Variants in OR52I2 observed in about 807,000 individuals in gnomAD.
OR52I2 encodes the protein olfactory receptor 52I2.
For missense variants in OR52I2, 350 were observed against 402.4 expected (o/e 0.87, Z 1.11); for synonymous variants, 147 against 151.9 (o/e 0.97, Z 0.24).
chr11:4,587,284 A>C, exon 2 of OR52I2: 1 of 1,613,890 alleles, frequency 6.2e-7, no homozygotes, highest in Non-Finnish European at 8.5e-7. Context: ...AGCCATCTGC[A>C]AGCCTCTACA....
exon 2 of OR52I2, chr11:4,586,949 G>A (rs1391714499): frequency 1.2e-6 from 2 of 1,613,960 alleles, no homozygotes; most frequent in African/African-American, 2.7e-5. Flanking sequence ...CTCCTTGTGG[G>A]TATCCCAGGA....
At chr11:4,592,176 C>T (rs1711578948) in exon 2 of OR52I2, 1 of 152,160 alleles carries the variant, frequency 6.6e-6, no homozygotes, top group African/African-American at 2.4e-5. Context: ...TTTTATTGAA[C>T]ACCTATGTAC....
In OR52I2 at chr11:4,587,280, C is replaced by T. The variant is rs754366532; in HGVS notation, c.390C>T (p.Ile130=). 3 of 1,613,978 alleles carry T rather than the reference C, an allele frequency of 1.9e-6. No homozygotes were observed. In the South Asian group the frequency reaches 3.3e-5, roughly 18 times the overall value. The change falls in exon 2 of 2, where the codon ATC becomes ATT. Residue 130 remains isoleucine, a synonymous_variant. Transcript: ENST00000641896. ...TGGCTTTTGACCGCTATGTAGCCAT[C>T]TGCAAGCCTCTACACTACAAGAGAA... is the stretch of plus-strand genomic sequence containing the variant.
exon 2 of OR52I2, chr11:4,588,817 G>A (rs763664255): frequency 6.6e-6 from 1 of 152,206 alleles, no homozygotes; most frequent in Non-Finnish European, 1.5e-5. Flanking sequence ...TGACTTTCTG[G>A]CTTACTTGCT....
chr11:4,586,753 C>G, intron 1 of OR52I2, 119 bp from the exon 2 acceptor site: 2 of 1,446,344 alleles, frequency 1.4e-6, no homozygotes, highest in Non-Finnish European at 1.9e-6. Flanking sequence ...TCAGATGCCA[C>G]ATTTTTGATC....
Position 4,587,085 on chromosome 11 carries a change from C to A in OR52I2, c.195C>A (p.Cys65Ter). Residue 65 changes from cysteine to a stop codon, truncating the protein, a stop_gained, in exon 2 of 2, where the codon TGC (cysteine) becomes TGA (stop). Transcript: ENST00000641896. LOFTEE classifies it low-confidence loss of function (END_TRUNC). ...CCACTCGGCATGAGCCCATGTATTG[C>A]TTTCTGTGTGTTCTGGCTGCTGTGG... The A allele has an allele frequency of 1.2e-6, 2 of 1,614,140 alleles. No individual in the cohort carries two copies. The highest frequency in any genetic ancestry group is 1.7e-6 in the Non-Finnish European group (2 of 1,180,014).
chr11:4,583,696 A>G (rs1041359508), intron 1 of OR52I2, among the ~76,000 whole-genome samples: 1 of 152,084 alleles, frequency 6.6e-6, no homozygotes, highest in Non-Finnish European at 1.5e-5. Flanking sequence ...ACTCTATTCA[A>G]TCTGTTCCAT....
intron 1 of OR52I2, among the ~76,000 whole-genome samples, chr11:4,586,436 G>T (rs1846301592): frequency 6.6e-6 from 1 of 152,140 alleles, no homozygotes; most frequent in Admixed American, 6.6e-5. Flanking sequence ...TATATTAATA[G>T]ACTTCTTTTT....
intron 1 of OR52I2, among the ~76,000 whole-genome samples, chr11:4,583,785 A>C (rs144463582): frequency 1.2e-3 from 178 of 152,352 alleles, no homozygotes; most frequent in African/African-American, 4.0e-3. Flanking sequence ...GTTTGTAATC[A>C]TGTCCAAGAA....
At chr11:4,587,504 T>C (rs1846315325) in exon 2 of OR52I2, 3 of 1,614,194 alleles carry the variant, frequency 1.9e-6, no homozygotes, top group Admixed American at 1.7e-5. Context: ...TACAGTCTGA[T>C]TGGTTCCTCT....
chr11:4,586,576 G>A (rs1020628874), intron 1 of OR52I2, among the ~76,000 whole-genome samples: 4 of 152,138 alleles, frequency 2.6e-5, no homozygotes, highest in African/African-American at 9.7e-5. Context: ...CTGAGGTCAC[G>A]ATGGGAGATT....
exon 2 of OR52I2, chr11:4,592,594 G>A (rs1352718779): frequency 2.0e-5 from 3 of 152,150 alleles, no homozygotes; most frequent in African/African-American, 7.2e-5. Flanking sequence ...CAGGGAAAAT[G>A]TGCCTATGAC....
exon 2 of OR52I2, chr11:4,587,550 C>T: frequency 6.2e-7 from 1 of 1,614,142 alleles, no homozygotes; most frequent in Non-Finnish European, 8.5e-7. Flanking sequence ...TCATTGCTGC[C>T]TCCTATATCT....
chr11:4,588,551 T>G (rs576306506), exon 2 of OR52I2: 1 of 152,540 alleles, frequency 6.6e-6, no homozygotes, highest in African/African-American at 2.4e-5. Flanking sequence ...CTTCTCATAC[T>G]TTTGTGCTCA....
intron 1 of OR52I2, among the ~76,000 whole-genome samples, chr11:4,582,479 A>T (rs1248700476): frequency 9.2e-6 from 1 of 108,682 alleles, no homozygotes; most frequent in Non-Finnish European, 1.7e-5. Flanking sequence ...CCATTCTGTC[A>T]TACAGGCTGG....
At chr11:4,587,645 T>C in exon 2 of OR52I2, 2 of 1,614,152 alleles carry the variant, frequency 1.2e-6, no homozygotes, top group South Asian at 1.1e-5. Context: ...GTGGGGGTTA[T>C]GGCTTTGTAC....
At chr11:4,590,554 G>C (rs776003079) in exon 2 of OR52I2, 1 of 152,224 alleles carries the variant, frequency 6.6e-6, no homozygotes, top group Non-Finnish European at 1.5e-5. Context: ...AGAGCTTCCA[G>C]GGCTGAGGCC....
At chr11:4,592,971 T>C (rs1248427388) in exon 2 of OR52I2, 2 of 152,176 alleles carry the variant, frequency 1.3e-5, no homozygotes, top group African/African-American at 4.8e-5. Context: ...AACCCAAAAC[T>C]TACCACACAC....
At chr11:4,585,345 CCAG>C (rs1846291660) in intron 1 of OR52I2, among the ~76,000 whole-genome samples, 1 of 152,118 alleles carries the variant, frequency 6.6e-6, no homozygotes, top group Non-Finnish European at 1.5e-5. Context: ...AATGTTACCA[CCAG>C]AAGAGGCAGC....
Sources: gnomAD v4.1 joint callset for allele counts (sites outside exome capture counted in the v4.1 genomes callset) on GRCh38, gnomAD v4.1.1 for gene constraint, MANE v1.5 for transcripts, NCBI Gene and HGNC (gene_info 2026-07-23, HGNC 2026-07-21) for gene names.